The following NAA35 variants were observed in gnomAD, a reference collection of about 807,000 sequenced individuals.
NAA35 encodes the protein MAK10 homolog, amino-acid N-acetyltransferase subunit.
Under a neutral mutation model 101.7 loss-of-function variants are expected in NAA35, and 18 were observed. That is an observed-to-expected ratio of 0.18 (90% CI 0.12 to 0.26). The LOEUF (loss-of-function observed/expected upper bound fraction) is 0.26, where lower values mean the gene tolerates loss of function less well. Ranked by LOEUF, NAA35 falls within the 10% of genes least tolerant of loss-of-function variation. The pLI, the probability that NAA35 is intolerant of heterozygous loss-of-function variation, is 1.00. For synonymous variants in NAA35, 267 were observed against 273.1 expected (o/e 0.98, Z 0.22); for missense variants, 601 against 886.8 (o/e 0.68, Z 4.09).
intron 6 of NAA35, among the ~76,000 whole-genome samples, chr9:85,964,571 T>C (rs1372634328): frequency 6.6e-6 from 1 of 152,230 alleles, no homozygotes; most frequent in African/African-American, 2.4e-5. Context: ...ATCTCTATAG[T>C]ATTCTTTAAG....
chr9:85,977,483 G>C, intron 10 of NAA35, 37 bp downstream of exon 10: 17 of 1,478,076 alleles, frequency 1.2e-5, no homozygotes, highest in Non-Finnish European at 1.6e-5. Context: ...ATTTGTTTTA[G>C]TGATTTTGGC....
At chr9:85,952,021 A>G (rs1829040450) in intron 2 of NAA35, among the ~76,000 whole-genome samples, 1 of 152,176 alleles carries the variant, frequency 6.6e-6, no homozygotes, top group South Asian at 2.1e-4. Flanking sequence ...ATTTGTTATC[A>G]CTACCAGTAC....
At chr9:85,977,272 A>G in intron 9 of NAA35, 91 bp from the exon 10 acceptor site, 1 of 893,040 alleles carries the variant, frequency 1.1e-6, no homozygotes, top group Non-Finnish European at 1.9e-6. Context: ...TAAGTTATTA[A>G]CATTGAGATT....
intron 3 of NAA35, among the ~76,000 whole-genome samples, chr9:85,957,651 T>A (rs1829334224): frequency 6.6e-6 from 1 of 152,016 alleles, no homozygotes. Context: ...AAAAACAAAA[T>A]AAATGGAAAT....
intron 16 of NAA35, among the ~76,000 whole-genome samples, chr9:86,013,437 G>A (rs1832052279): frequency 6.6e-6 from 1 of 152,106 alleles, no homozygotes; most frequent in Non-Finnish European, 1.5e-5. Flanking sequence ...TAATTTTAAA[G>A]TTAATTTGTG....
intron 6 of NAA35, among the ~76,000 whole-genome samples, chr9:85,968,102 T>G (rs1297403056): frequency 6.6e-6 from 1 of 152,174 alleles, no homozygotes; most frequent in African/African-American, 2.4e-5. Context: ...GGGGCACTGT[T>G]TTTTCTCTCA....
intron 18 of NAA35, 55 bp from the exon 19 acceptor site, chr9:86,017,443 G>T: frequency 6.6e-7 from 1 of 1,524,068 alleles, no homozygotes; most frequent in South Asian, 1.2e-5. Flanking sequence ...TTGCAGTAAT[G>T]CAAGAGGGAG....
intron 2 of NAA35, among the ~76,000 whole-genome samples, chr9:85,945,472 T>G (rs11141156): frequency 0.18 from 26,874 of 152,128 alleles, 2,433 homozygotes; most frequent in Middle Eastern, 0.26. Context: ...CTCTTTCTTT[T>G]AACTTGCAGT....
rs555273908 is a variant in NAA35 at position 86,020,820 on chromosome 9, C to G, written c.2038-69C>G. The G allele has an allele frequency of 3.2e-6, 4 of 1,256,504 alleles. No individual in the cohort carries two copies. In the East Asian group the frequency reaches 9.6e-5, roughly 30 times the overall value. 77.8% of individuals were successfully genotyped at this position (1,256,504 alleles called of 1,614,324 possible). A position where few individuals can be genotyped will look rare whatever the true frequency, so the allele number is the denominator to read the frequency against. ...ACTCCAGCCTGGGTTGACAGCAGGT[C>G]TCAAAAAAGAAAAAGAGAAATTTTG... On this transcript the variant is annotated intron_variant, in intron 21 of 22. Transcript: ENST00000361671.
At chr9:86,015,324 T>A (rs1164058478) in intron 17 of NAA35, among the ~76,000 whole-genome samples, 3 of 152,198 alleles carry the variant, frequency 2.0e-5, no homozygotes, top group African/African-American at 7.2e-5. Context: ...TGTGGTCTTT[T>A]CATAATTGGT....
At chr9:86,004,409 A>G (rs1278830068) in intron 13 of NAA35, among the ~76,000 whole-genome samples, 2 of 138,272 alleles carry the variant, frequency 1.4e-5, no homozygotes, top group Non-Finnish European at 3.1e-5. Flanking sequence ...AACCTGGGAA[A>G]TCCAGGCTGC....
At chr9:85,945,870 A>C (rs1828740708) in intron 2 of NAA35, among the ~76,000 whole-genome samples, 1 of 152,150 alleles carries the variant, frequency 6.6e-6, no homozygotes, top group African/African-American at 2.4e-5. Flanking sequence ...ACTGATGGCG[A>C]AGTTGTTTTT....
At chr9:85,983,483 G>A (rs1399177352) in intron 11 of NAA35, among the ~76,000 whole-genome samples, 1 of 152,030 alleles carries the variant, frequency 6.6e-6, no homozygotes, top group Non-Finnish European at 1.5e-5. Flanking sequence ...ATGTGCTCTA[G>A]TTTCAAATCT....
At chr9:86,004,095 A>G (rs1240681208) in intron 13 of NAA35, among the ~76,000 whole-genome samples, 4 of 152,090 alleles carry the variant, frequency 2.6e-5, no homozygotes, top group African/African-American at 4.8e-5. Context: ...AATTTGTAGC[A>G]TTGAATGTTT....
chr9:86,015,461 G>C (rs1832163310), intron 17 of NAA35, among the ~76,000 whole-genome samples: 1 of 152,062 alleles, frequency 6.6e-6, no homozygotes, highest in Non-Finnish European at 1.5e-5. Flanking sequence ...AGCAAAAACA[G>C]TGATTCTTAA....
chr9:86,014,508 G>T, intron 17 of NAA35: 1 of 233,672 alleles, frequency 4.3e-6, no homozygotes, highest in Non-Finnish European at 7.0e-6. Context: ...AATGAATTCA[G>T]TTATTTTGAA....
intron 11 of NAA35, chr9:85,986,987 AAAAG>A (rs1830677332): frequency 1.3e-5 from 2 of 155,510 alleles, no homozygotes; most frequent in African/African-American, 4.8e-5. Context: ...ATGAGCCAAA[AAAAG>A]AAAAAATCAC....
intron 6 of NAA35, among the ~76,000 whole-genome samples, chr9:85,967,307 A>C (rs1262616669): frequency 3.9e-5 from 6 of 152,164 alleles, no homozygotes; most frequent in Non-Finnish European, 7.3e-5. Context: ...AGAAATGCAT[A>C]TGTCAAAAGG....
At chr9:86,015,900 C>G in intron 17 of NAA35, 1 of 329,630 alleles carries the variant, frequency 3.0e-6, no homozygotes, top group African/African-American at 2.2e-5. Context: ...GAACAAAATT[C>G]AGTTATATGG....
Sources: gnomAD v4.1 joint callset for allele counts (sites outside exome capture counted in the v4.1 genomes callset) on GRCh38, gnomAD v4.1.1 for gene constraint, MANE v1.5 for transcripts, NCBI Gene and HGNC (gene_info 2026-07-23, HGNC 2026-07-21) for gene names.